Variants in SRSF1 observed in about 807,000 individuals in gnomAD.
SRSF1 encodes serine/arginine-rich splicing factor 1.
In SRSF1, 1 loss-of-function variant was observed where a neutral mutation model predicts 25.9. That is an observed-to-expected ratio of 0.04 (90% CI 0.01 to 0.18). The LOEUF is 0.18. SRSF1 is among the 10% of genes least tolerant of loss of function. The pLI, the probability that SRSF1 is intolerant of heterozygous loss-of-function variation, is 1.00. For synonymous variants in SRSF1, 132 were observed against 126.2 expected, an observed-to-expected ratio of 1.05 and a Z score of -0.31; for missense variants, 65 against 350.5, an observed-to-expected ratio of 0.19 and a Z score of 6.50.
At chr17:57,990,781 G>A in the SRSF1 span, 1 of 152,204 alleles carries the variant, frequency 6.6e-6, no homozygotes, top group Non-Finnish European at 1.5e-5. Flanking sequence ...AAAATACAAT[G>A]TGCCTACATC....
In SRSF1 at chr17:58,002,632, C is replaced by T. The variant is rs1018581026; in HGVS notation, c.*2774G>A. Among the ~76,000 whole-genome samples, 6 of 152,076 alleles carry T rather than the reference C, an allele frequency of 3.9e-5. No homozygotes were observed. Among genetic ancestry groups the T allele is most frequent in the African/African-American group, 1.5e-4 (6 of 41,364 alleles). On this transcript the variant is annotated 3_prime_UTR_variant, in exon 4 of 4. Transcript: ENST00000258962. ...GCTTATAAGGCAAAATTCTAAATGCCCAGCTTTTTATTAACAATGATTCAT... is the reference window on the plus strand; with the variant it reads ...GCTTATAAGGCAAAATTCTAAATGCTCAGCTTTTTATTAACAATGATTCAT...
the SRSF1 span, chr17:57,989,722 C>A: frequency 2.5e-6 from 1 of 398,510 alleles, no homozygotes; most frequent in Non-Finnish European, 4.4e-6. Context: ...TGCCTGGAGG[C>A]CTTGGGGATG....
downstream of SRSF1, among the ~76,000 whole-genome samples, chr17:57,996,093 C>G (rs1271588419): frequency 6.6e-6 from 1 of 152,168 alleles, no homozygotes; most frequent in Non-Finnish European, 1.5e-5. Flanking sequence ...GCACACCTGC[C>G]TAAGATTTCA....
chr17:58,001,428 CTTAGT>C lies in SRSF1; in HGVS notation c.*3973_*3977del, dbSNP rs1394367564. On this transcript the variant is annotated 3_prime_UTR_variant, in exon 4 of 4. Coordinates refer to ENST00000258962, the MANE Select transcript of SRSF1 (RefSeq NM_006924.5). ...GCATTTTAAAAAACATTAAACTTAG[CTTAGT>C]TTTAAAAACAAAATTCAGACCCAAA... is the stretch of plus-strand genomic sequence containing the variant. Among the ~76,000 whole-genome samples, 1 of 152,114 alleles carries C rather than the reference CTTAGT, an allele frequency of 6.6e-6. No individual in the cohort carries two copies. The highest frequency in any genetic ancestry group is 1.5e-5 in the Non-Finnish European group (1 of 67,990).
Position 58,004,483 on chromosome 17 carries a change from T to C in SRSF1, c.*923A>G, listed in dbSNP as rs967400703. ...CACCAATACATTGGAACTCTATATT[T>C]TGCTTTCATTTTGTCTTAAAAAAAT... On this transcript the variant is annotated 3_prime_UTR_variant, in exon 4 of 4. Coordinates refer to ENST00000258962, the MANE Select transcript of SRSF1 (RefSeq NM_006924.5). 5 of 153,034 alleles carry C rather than the reference T, an allele frequency of 3.3e-5. No individual in the cohort carries two copies. The highest frequency in any genetic ancestry group is 1.2e-4 in the African/African-American group (5 of 41,480). 9.5% of individuals were successfully genotyped at this position (153,034 alleles called of 1,614,324 possible). A position where few individuals can be genotyped will look rare whatever the true frequency, so the allele number is the denominator to read the frequency against.
intron 1 of SRSF1, 107 bp from the exon 2 acceptor site, chr17:58,006,634 C>G: frequency 7.6e-7 from 1 of 1,310,250 alleles, no homozygotes; most frequent in South Asian, 1.5e-5. Context: ...GTGGAAGAGC[C>G]CACATGCGCC....
chr17:58,000,090 T>C (rs769213062), downstream of SRSF1, among the ~76,000 whole-genome samples: 16 of 152,090 alleles, frequency 1.1e-4, no homozygotes, highest in Non-Finnish European at 2.2e-4. Flanking sequence ...AATTAACTTC[T>C]ATATGACAGA....
chr17:57,998,825 A>G (rs2143451333), downstream of SRSF1, among the ~76,000 whole-genome samples: 1 of 152,288 alleles, frequency 6.6e-6, no homozygotes, highest in South Asian at 2.1e-4. Flanking sequence ...TATTCTTTGA[A>G]ACAGACTGAT....
chr17:58,005,395 C>A lies in SRSF1; in HGVS notation c.*11G>T. On this transcript the variant is annotated 3_prime_UTR_variant, in exon 4 of 4. Transcript: ENST00000258962. This position sits in a 1 kb window ranked among gnomAD's most constrained non-coding sequence, Gnocchi z 5.2. ...ACAACATGGGTTCTACAAAAAGTGT[C>A]ACCAATCATCTTATGTACGAGAGCG... 1 of 1,612,238 alleles carries A rather than the reference C, an allele frequency of 6.2e-7. No homozygotes were observed. Among genetic ancestry groups the A allele is most frequent in the South Asian group, 1.1e-5 (1 of 91,046 alleles).
At chr17:58,006,141 T>C in intron 2 of SRSF1, 168 bp from the exon 3 acceptor site, 1 of 958,082 alleles carries the variant, frequency 1.0e-6, no homozygotes, top group East Asian at 2.6e-5. Context: ...CAAAATTATT[T>C]GTAACGATCT....
At chr17:57,999,824 G>A (rs1490349264), downstream of SRSF1, among the ~76,000 whole-genome samples, 1 of 152,252 alleles carries the variant, frequency 6.6e-6, no homozygotes, top group Non-Finnish European at 1.5e-5. Context: ...GTGGAGATGA[G>A]TATAGCATCC....
downstream of SRSF1, among the ~76,000 whole-genome samples, chr17:57,998,097 T>C (rs2075371940): frequency 6.6e-6 from 1 of 151,166 alleles, no homozygotes; most frequent in Non-Finnish European, 1.5e-5. Flanking sequence ...GCACCTGTAA[T>C]ACCAGCTACT....
chr17:58,006,914 C>A (rs1400364798), intron 1 of SRSF1, 30 bp downstream of exon 1: 4 of 1,611,766 alleles, frequency 2.5e-6, no homozygotes, highest in Non-Finnish European at 3.4e-6. Flanking sequence ...GACCTATTTC[C>A]TCAAGGCTGC....
At chr17:57,992,525 A>T in the SRSF1 span, 1 of 152,188 alleles carries the variant, frequency 6.6e-6, no homozygotes, top group Non-Finnish European at 1.5e-5. Context: ...TCCTACACAA[A>T]GTTTCTCGAG....
chr17:58,001,714 T>A lies in SRSF1; in HGVS notation c.*3692A>T, dbSNP rs1267979128. ...GTAACTTTCTTCTAATAATTGCCAA[T>A]ACGGATAGAGACCTAAAGGTCCATT... On this transcript the variant is annotated 3_prime_UTR_variant, in exon 4 of 4. Coordinates refer to ENST00000258962, the MANE Select transcript of SRSF1 (RefSeq NM_006924.5). Among the ~76,000 whole-genome samples the A allele has an allele frequency of 6.6e-6, 1 of 152,200 alleles. No homozygotes were observed. Among genetic ancestry groups the A allele is most frequent in the Non-Finnish European group, 1.5e-5 (1 of 68,024 alleles).
chr17:58,006,129 T>C, intron 2 of SRSF1, 156 bp from the exon 3 acceptor site: 9 of 967,684 alleles, frequency 9.3e-6, no homozygotes, highest in South Asian at 3.5e-5. Flanking sequence ...GAATCCAGAG[T>C]CCAAAATTAT....
intron 2 of SRSF1, 57 bp downstream of exon 2, chr17:58,006,285 GA>G (rs2075426703): frequency 1.3e-6 from 2 of 1,533,198 alleles, no homozygotes; most frequent in Admixed American, 2.2e-5. Context: ...TCACGCAAGA[GA>G]AAAATTTTAG....
chr17:58,000,120 T>G (rs2075380642), downstream of SRSF1, among the ~76,000 whole-genome samples: 1 of 152,212 alleles, frequency 6.6e-6, no homozygotes, highest in Non-Finnish European at 1.5e-5. Context: ...TCAATTTTTA[T>G]TCTGTGCATT....
At position 58,005,747 on chromosome 17, in the gene SRSF1, T is replaced by C. The variant is rs766833274; in HGVS notation, c.552+54A>G. ...GAATCCTTACCTTGAAATTCCACTG[T>C]TAAGACCACTGTATCCAATTCTGGT... On this transcript the variant is annotated intron_variant, in intron 3 of 3. Transcript: ENST00000258962. This position sits in a 1 kb window ranked among gnomAD's most constrained non-coding sequence, Gnocchi z 5.2. 6.2e-7 allele frequency: 1 copy of C among 1,614,084 alleles called. No individual in the cohort carries two copies. The highest frequency in any genetic ancestry group is 1.7e-5 in the Admixed American group (1 of 60,026).
Sources: gnomAD v4.1 joint callset for allele counts (sites outside exome capture counted in the v4.1 genomes callset) on GRCh38, gnomAD v4.1.1 for gene constraint, Gnocchi (gnomAD v3.1) non-coding constraint, MANE v1.5 for transcripts, NCBI Gene and HGNC (gene_info 2026-07-23, HGNC 2026-07-21) for gene names.